The following ZNF665 variants were observed in gnomAD, a reference collection of about 807,000 sequenced individuals.
ZNF665 encodes the protein zinc finger protein 665.
Under a neutral mutation model 7.9 loss-of-function variants are expected in ZNF665, and 6 were observed. The ratio of observed to expected loss-of-function variants is 0.76; its 90% CI spans 0.42 to 1.50. The LOEUF is 1.50. ZNF665 is among the 40% of genes most tolerant of loss of function. The pLI is 0.01. For missense variants in ZNF665, 819 were observed against 806.7 expected, an observed-to-expected ratio of 1.02 and a Z score of -0.18; for synonymous variants, 242 against 274.5, an observed-to-expected ratio of 0.88 and a Z score of 1.17.
In ZNF665 at chr19:53,170,952, T is replaced by G. The variant is rs138641070; in HGVS notation, c.142+4493A>C. Among the ~76,000 whole-genome samples the G allele has an allele frequency of 2.4e-4, 36 of 152,258 alleles. 1 individual carries two copies. The East Asian group carries it at 5.0e-3, about 21-fold the overall frequency. ...AGAATGTATCTTGTATTTTTTATGT[T>G]ATATGTATTATATACTGTATTCCTT... On this transcript the variant is annotated intron_variant, in intron 3 of 3. Transcript: ENST00000396424.
intron 2 of ZNF665, chr19:53,179,634 T>C (rs144235988): frequency 1.6e-3 from 236 of 152,208 alleles, no homozygotes; most frequent in African/African-American, 5.4e-3. Flanking sequence ...TGGTATCTTC[T>C]GTAATAGTAT....
chr19:53,185,654 T>C (rs2090772564), intron 1 of ZNF665, among the ~76,000 whole-genome samples: 1 of 151,974 alleles, frequency 6.6e-6, no homozygotes, highest in South Asian at 2.1e-4. Context: ...ACCAAGAAGC[T>C]CAGGGAGTAA....
In ZNF665 at chr19:53,164,418, G is replaced by A. The variant is rs758115625; in HGVS notation, c.*35C>T. The A allele has an allele frequency of 1.7e-5, 25 of 1,497,716 alleles. No individual in the cohort carries two copies. The highest frequency in any genetic ancestry group is 5.6e-5 in the African/African-American group (4 of 71,958). The allele number at this position is 1,497,716 out of a possible 1,614,324, so 92.8% of individuals were successfully genotyped here. A position where few individuals can be genotyped will look rare whatever the true frequency, so the allele number is the denominator to read the frequency against. On this transcript the variant is annotated 3_prime_UTR_variant, in exon 4 of 4. Transcript: ENST00000396424. Reference sequence around the variant, plus strand: ...CTCCCAAAGTGCTGGGATTACAGGCGTGAGCCACCACGCCCGGCGTCCTTT... The same window carrying A: ...CTCCCAAAGTGCTGGGATTACAGGCATGAGCCACCACGCCCGGCGTCCTTT...
rs1214128125 is a variant in ZNF665, at chr19:53,167,533, G to A, written c.143-1186C>T. 1.1e-4 allele frequency among the ~76,000 whole-genome samples: 16 copies of A among 149,044 alleles called. No individual in the cohort carries two copies. In the South Asian group the frequency reaches 1.1e-3, roughly 10 times the overall value. ...GCGATCTCGGCTCACTGCAAGCTCC[G>A]CCTCCCGGGTTCCCGCCATTCTCCT... On this transcript the variant is annotated intron_variant, in intron 3 of 3. Transcript: ENST00000396424.
In ZNF665 at chr19:53,178,635, T is replaced by C. The variant is rs184577022; in HGVS notation, c.16-3064A>G. On this transcript the variant is annotated intron_variant, in intron 2 of 3. Transcript: ENST00000396424. Reference sequence around the variant, plus strand: ...AAGAAGTACAAGAAATGAGAGAATGTTGGAGAATGAAGGGTAAAATGATGT... The same window carrying C: ...AAGAAGTACAAGAAATGAGAGAATGCTGGAGAATGAAGGGTAAAATGATGT... Among the ~76,000 whole-genome samples, 4 of 151,750 alleles carry C rather than the reference T, an allele frequency of 2.6e-5. No individual in the cohort carries two copies. In the East Asian group the frequency reaches 7.7e-4, roughly 29 times the overall value.
At chr19:53,169,400 C>T (rs1032547615) in intron 3 of ZNF665, among the ~76,000 whole-genome samples, 6 of 151,888 alleles carry the variant, frequency 4.0e-5, no homozygotes, top group Non-Finnish European at 7.4e-5. Flanking sequence ...ACTAGCAATA[C>T]CAAGTGTTAA....
chr19:53,175,715 G>A, intron 2 of ZNF665, 144 bp from the exon 3 acceptor site: 2 of 904,440 alleles, frequency 2.2e-6, no homozygotes, highest in Middle Eastern at 2.4e-4. Flanking sequence ...GGTACATACA[G>A]ATTTGATCTT....
At chr19:53,179,153 C>G (rs1200450585) in intron 2 of ZNF665, among the ~76,000 whole-genome samples, 1 of 151,910 alleles carries the variant, frequency 6.6e-6, no homozygotes, top group Admixed American at 6.6e-5. Context: ...GCGGGTGGAT[C>G]ACGAGGTCAG....
chr19:53,169,622 G>A (rs142793135), intron 3 of ZNF665, among the ~76,000 whole-genome samples: 2,215 of 152,074 alleles, frequency 0.015, 21 homozygotes, highest in African/African-American at 0.025. Context: ...ATGCTGGTGT[G>A]CTGCACCCAT....
chr19:53,170,598 G>T (rs2090650155), intron 3 of ZNF665, among the ~76,000 whole-genome samples: 1 of 152,162 alleles, frequency 6.6e-6, no homozygotes, highest in African/African-American at 2.4e-5. Context: ...GTCCATCCAT[G>T]TTCTGGCAGA....
chr19:53,179,377 C>CAA (rs35184690), intron 2 of ZNF665, among the ~76,000 whole-genome samples: 33 of 70,316 alleles, frequency 4.7e-4, no homozygotes, highest in East Asian at 1.5e-3. Flanking sequence ...GATTCCGTCT[C>CAA]AAAAAAAAAA....
intron 3 of ZNF665, among the ~76,000 whole-genome samples, chr19:53,168,258 T>C (rs2090632941): frequency 6.6e-6 from 1 of 152,006 alleles, no homozygotes; most frequent in South Asian, 2.1e-4. Flanking sequence ...TTTAGCAAGG[T>C]TGAAGAATAC....
At chr19:53,168,818 A>G (rs1299850617) in intron 3 of ZNF665, among the ~76,000 whole-genome samples, 1 of 152,196 alleles carries the variant, frequency 6.6e-6, no homozygotes, top group Non-Finnish European at 1.5e-5. Flanking sequence ...GATTTTTGAC[A>G]AAGAATAAAT....
intron 2 of ZNF665, among the ~76,000 whole-genome samples, chr19:53,180,386 T>C (rs963865489): frequency 2.6e-5 from 4 of 151,880 alleles, no homozygotes; most frequent in African/African-American, 7.3e-5. Context: ...TGAGCCGAGA[T>C]TGCGCCCCTT....
chr19:53,175,558 A>T lies in ZNF665; in HGVS notation c.29T>A (p.Phe10Tyr). MALPQGQLT[F>Y]KDVAIEFSQE... ...AGAGAATTCTATGGCCACATCCTTGAATGTCAACTGTCCCTAAAATGAAAA... is the reference window on the plus strand; with the variant it reads ...AGAGAATTCTATGGCCACATCCTTGTATGTCAACTGTCCCTAAAATGAAAA... Residue 10 changes from phenylalanine (F) to tyrosine (Y), a missense_variant, in exon 3 of 4, where the codon TTC becomes TAC. Coordinates refer to ENST00000396424, the MANE Select transcript of ZNF665 (RefSeq NM_024733.5). 1 of 1,602,744 alleles carries T rather than the reference A, an allele frequency of 6.2e-7. No individual in the cohort carries two copies. The highest frequency in any genetic ancestry group is 1.1e-5 in the South Asian group (1 of 89,502).
In ZNF665 at chr19:53,163,628, TGGAAGTTATAAA is replaced by T. The variant is rs1381031972; in HGVS notation, c.*813_*824del. 1 of 152,234 alleles carries T rather than the reference TGGAAGTTATAAA, an allele frequency of 6.6e-6. No homozygotes were observed. Among genetic ancestry groups the T allele is most frequent in the Admixed American group, 6.5e-5 (1 of 15,288 alleles). The allele number at this position is 152,234 out of a possible 1,614,324, so 9.4% of individuals were successfully genotyped here. On this transcript the variant is annotated 3_prime_UTR_variant, in exon 4 of 4. Coordinates refer to ENST00000396424, the MANE Select transcript of ZNF665 (RefSeq NM_024733.5). ...AATCAGCACATTGCAAAGTTCTGGT[TGGAAGTTATAAA>T]TAGTAGCCTTTTCAATAAATCTTAA...
chr19:53,176,857 C>T (rs1490707722), intron 2 of ZNF665, among the ~76,000 whole-genome samples: 6 of 152,194 alleles, frequency 3.9e-5, no homozygotes, highest in Non-Finnish European at 5.9e-5. Context: ...TGGTGGCTCA[C>T]GCCTGTAATC....
Position 53,165,604 on chromosome 19 carries a change from CACATTCCTT to C in ZNF665, c.877_885del (p.Lys293_Cys295del), listed in dbSNP as rs1480829640. The C allele has an allele frequency of 1.9e-6, 3 of 1,613,992 alleles. No homozygotes were observed. In the Admixed American group the frequency reaches 5.0e-5, roughly 27 times the overall value. Reference sequence around the variant, plus strand: ...TGTGAATTTTGAGTGAAGCACTTGCCACATTCCTTACATTTGTAAGGTTTTTCTCCAGTA... The same window carrying C: ...TGTGAATTTTGAGTGAAGCACTTGCCACATTTGTAAGGTTTTTCTCCAGTA... On this transcript the variant is annotated inframe_deletion, in exon 4 of 4. Transcript: ENST00000396424.
chr19:53,178,138 T>C (rs2090711967), intron 2 of ZNF665, among the ~76,000 whole-genome samples: 2 of 152,234 alleles, frequency 1.3e-5, no homozygotes, highest in South Asian at 4.1e-4. Context: ...AGAATCTCAG[T>C]GTCTGAGATC....
Sources: allele counts gnomAD v4.1 joint callset (sites outside exome capture counted in the v4.1 genomes callset), GRCh38; gene constraint gnomAD v4.1.1; transcripts MANE v1.5; gene names NCBI Gene and HGNC (gene_info 2026-07-23, HGNC 2026-07-21).